The following NPAS3 variants were observed in gnomAD, a reference collection of about 807,000 sequenced individuals.
NPAS3 encodes the protein neuronal PAS domain-containing protein 3.
In NPAS3, 14 loss-of-function variants were observed where a neutral mutation model predicts 73.1. That is an observed-to-expected ratio of 0.19 (90% CI 0.13 to 0.30). The LOEUF (loss-of-function observed/expected upper bound fraction) is 0.30, where lower values mean the gene tolerates loss of function less well. Among genes scored for constraint, NPAS3 ranks in the 10% least tolerant of loss-of-function variants. NPAS3 has a pLI of 1.00. For missense variants in NPAS3, 1,096 were observed against 1,250.0 expected, an observed-to-expected ratio of 0.88 and a Z score of 1.86; for synonymous variants, 620 against 541.5, an observed-to-expected ratio of 1.14 and a Z score of -2.01.
At chr14:33,000,295 G>A (rs1490298770) in intron 1 of NPAS3, among the ~76,000 whole-genome samples, 1 of 152,160 alleles carries the variant, frequency 6.6e-6, no homozygotes, top group African/African-American at 2.4e-5. Context: ...TTGCCAAAAT[G>A]TGATTTACTA....
Position 33,562,899 on chromosome 14 carries a change from G to GCA in NPAS3, c.558+2707_558+2708dup, listed in dbSNP as rs56063953. 2.2e-3 allele frequency among the ~76,000 whole-genome samples: 323 copies of GCA among 149,822 alleles called. 4 individuals are homozygous for GCA. The highest frequency in any genetic ancestry group is 1.6e-3 in the African/African-American group (66 of 40,658). On this transcript the variant is annotated intron_variant, in intron 5 of 11. Coordinates refer to ENST00000356141, the Ensembl canonical transcript of NPAS3. ...AAATTAAGCATTTGTTCTTTTATGAGCACACACACACACACACACCCTTAA... is the reference window on the plus strand; with the variant it reads ...AAATTAAGCATTTGTTCTTTTATGAGCACACACACACACACACACACCCTTAA...
chr14:33,128,207 G>C lies in NPAS3; in HGVS notation c.140+72213G>C, dbSNP rs552670335. ...AAGGTTTAGGACATCTAAAACAATG[G>C]AAGAACGAATAAAAGCAAAGACAAA... On this transcript the variant is annotated intron_variant, in intron 2 of 11. Coordinates refer to ENST00000356141, the Ensembl canonical transcript of NPAS3. 2.7e-4 allele frequency among the ~76,000 whole-genome samples: 41 copies of C among 152,188 alleles called. No individual in the cohort carries two copies. The East Asian group carries it at 6.2e-3, about 23-fold the overall frequency.
chr14:33,705,844 A>C (rs1595473230), intron 6 of NPAS3, among the ~76,000 whole-genome samples: 1 of 152,264 alleles, frequency 6.6e-6, no homozygotes, highest in African/African-American at 2.4e-5. Context: ...ACTAAGCCAA[A>C]TCATCTGACA....
At chr14:32,974,921 A>G (rs2037590888) in intron 1 of NPAS3, among the ~76,000 whole-genome samples, 1 of 152,154 alleles carries the variant, frequency 6.6e-6, no homozygotes, top group African/African-American at 2.4e-5. Flanking sequence ...AGAACAAATG[A>G]AAGGTTTTTC....
chr14:33,360,918 C>G (rs185081094), intron 3 of NPAS3, among the ~76,000 whole-genome samples: 1 of 152,092 alleles, frequency 6.6e-6, no homozygotes, highest in Non-Finnish European at 1.5e-5. Flanking sequence ...GACTGTCAGA[C>G]GTTGACCTCA....
intron 2 of NPAS3, among the ~76,000 whole-genome samples, chr14:33,109,965 T>G (rs778668971): frequency 2.0e-5 from 3 of 151,538 alleles, no homozygotes; most frequent in Non-Finnish European, 2.9e-5. Context: ...AATTTTAATA[T>G]TTATAAATAC....
At chr14:33,322,278 C>T (rs552803784) in intron 3 of NPAS3, among the ~76,000 whole-genome samples, 4 of 152,236 alleles carry the variant, frequency 2.6e-5, no homozygotes, top group South Asian at 4.1e-4. Context: ...CCATTGCCTC[C>T]GTCAGTATCC....
intron 4 of NPAS3, among the ~76,000 whole-genome samples, chr14:33,532,230 T>G (rs774352597): frequency 5.3e-5 from 8 of 152,172 alleles, no homozygotes. Flanking sequence ...TTACTGAGCT[T>G]CTGATCTTTC....
intron 1 of NPAS3, among the ~76,000 whole-genome samples, chr14:33,036,546 T>G (rs902655268): frequency 1.3e-5 from 2 of 152,166 alleles, no homozygotes; most frequent in African/African-American, 2.4e-5. Context: ...AAGGCCAGAA[T>G]AAAGCACAGT....
intron 6 of NPAS3, among the ~76,000 whole-genome samples, chr14:33,683,816 T>C (rs2060009197): frequency 6.6e-6 from 1 of 152,212 alleles, no homozygotes; most frequent in African/African-American, 2.4e-5. Flanking sequence ...CAACAGTTAT[T>C]CCCAAGTATA....
exon 3 of NPAS3, chr14:33,215,251 G>A (rs1291047484): frequency 6.2e-7 from 1 of 1,606,592 alleles, no homozygotes; most frequent in Non-Finnish European, 8.5e-7. Context: ...AAAACTTTGA[G>A]TTCTATGAAT....
At chr14:33,066,206 T>A (rs2041272838) in intron 2 of NPAS3, among the ~76,000 whole-genome samples, 1 of 152,080 alleles carries the variant, frequency 6.6e-6, no homozygotes. Flanking sequence ...GTGTTCTAAG[T>A]CTTGAATTGC....
At chr14:33,011,464 G>A (rs1177489587) in intron 1 of NPAS3, among the ~76,000 whole-genome samples, 1 of 152,106 alleles carries the variant, frequency 6.6e-6, no homozygotes, top group African/African-American at 2.4e-5. Flanking sequence ...GGATATGGAA[G>A]GAAATCAGAG....
chr14:33,391,219 G>A (rs1004673061), intron 4 of NPAS3, among the ~76,000 whole-genome samples: 13 of 114,848 alleles, frequency 1.1e-4, no homozygotes, highest in Admixed American at 9.9e-4. Context: ...TTGAGAAAGA[G>A]TTTCACTCTT....
Position 33,800,073 on chromosome 14 carries a change from C to G in NPAS3, c.1766C>G (p.Ala589Gly), listed in dbSNP as rs770665316. 12 of 1,599,196 alleles carry G rather than the reference C, an allele frequency of 7.5e-6. No homozygotes were observed. The highest frequency in any genetic ancestry group is 9.4e-6 in the Non-Finnish European group (11 of 1,176,198). The change falls in exon 12 of 12, where the codon GCG becomes GGG. Residue 589 changes from alanine (A) to glycine (G), a missense_variant. Ala to Gly is a moderately conservative substitution (Grantham distance 60). Transcript: ENST00000356141. The surrounding 1 kb of genome is among the most constrained non-coding windows in gnomAD (Gnocchi z 6.5). Reference sequence around the variant, plus strand: ...AAGGACTCGGACAGCGCAGGCGAGGCGGGCGCGCAGGCCTCCAGCAAGCAC... The same window carrying G: ...AAGGACTCGGACAGCGCAGGCGAGGGGGGCGCGCAGGCCTCCAGCAAGCAC...
chr14:33,006,084 T>C (rs1355731865), intron 1 of NPAS3, among the ~76,000 whole-genome samples: 12 of 152,172 alleles, frequency 7.9e-5, no homozygotes, highest in Admixed American at 7.2e-4. Context: ...CTCCTCTTGC[T>C]CTCTGGATCT....
At chr14:33,627,102 A>C (rs2058243784) in intron 5 of NPAS3, among the ~76,000 whole-genome samples, 1 of 152,100 alleles carries the variant, frequency 6.6e-6, no homozygotes, top group Non-Finnish European at 1.5e-5. Flanking sequence ...GATGGAGAGA[A>C]ATTAGTCTAA....
intron 3 of NPAS3, among the ~76,000 whole-genome samples, chr14:33,298,080 G>A (rs1394527246): frequency 6.6e-6 from 1 of 152,248 alleles, no homozygotes; most frequent in African/African-American, 2.4e-5. Context: ...TCAGGAGTTC[G>A]AGACCAGCCT....
Position 33,800,727 on chromosome 14 carries a change from A to G in NPAS3, c.2420A>G (p.His807Arg). The change falls in exon 12 of 12, where the codon CAC becomes CGC. Residue 807 changes from histidine (H) to arginine (R), a missense_variant. By Grantham distance (29) the His-to-Arg change is conservative. Transcript: ENST00000356141. This position sits in a 1 kb window ranked among gnomAD's most constrained non-coding sequence, Gnocchi z 6.5. ...GGCAACGTCGTGCTCCCGCTGGTGC[A>G]CAGGGTGACCGGGACCCTGGCCGCC... The G allele has an allele frequency of 1.3e-6, 2 of 1,553,760 alleles. No homozygotes were observed. The highest frequency in any genetic ancestry group is 8.7e-7 in the Non-Finnish European group (1 of 1,151,272).
Sources: allele counts gnomAD v4.1 joint callset (sites outside exome capture counted in the v4.1 genomes callset), GRCh38; gene constraint gnomAD v4.1.1; non-coding constraint Gnocchi (gnomAD v3.1); transcripts MANE v1.5; gene names NCBI Gene and HGNC (gene_info 2026-07-23, HGNC 2026-07-21).